FRMD5: variants seen among roughly 807,000 people sequenced by gnomAD.
FRMD5 encodes the protein FERM domain containing 5.
In FRMD5, 20 loss-of-function variants were observed where a neutral mutation model predicts 69.0. The ratio of observed to expected loss-of-function variants is 0.29; its 90% CI spans 0.20 to 0.42. FRMD5 has a LOEUF of 0.42. FRMD5 is among the 10% of genes least tolerant of loss of function. The pLI is 1.00. For missense variants in FRMD5, 595 were observed against 708.6 expected, an observed-to-expected ratio of 0.84 and a Z score of 1.82; for synonymous variants, 271 against 260.1, an observed-to-expected ratio of 1.04 and a Z score of -0.40.
chr15:44,190,685 G>C (rs139267676), intron 1 of FRMD5, among the ~76,000 whole-genome samples: 3 of 152,082 alleles, frequency 2.0e-5, no homozygotes, highest in African/African-American at 7.2e-5. Context: ...ACAGCAAAAC[G>C]GTTTGTAATG....
At chr15:43,951,160 C>T (rs1488386332) in intron 1 of FRMD5, among the ~76,000 whole-genome samples, 1 of 151,948 alleles carries the variant, frequency 6.6e-6, no homozygotes, top group African/African-American at 2.4e-5. Context: ...GTGGCTCACA[C>T]CTATAATCCC....
intron 1 of FRMD5, among the ~76,000 whole-genome samples, chr15:44,174,213 T>G (rs1341245898): frequency 5.3e-5 from 8 of 152,156 alleles, no homozygotes; most frequent in Non-Finnish European, 1.0e-4. Flanking sequence ...AGAACTGCTT[T>G]CACACTCTGG....
At chr15:43,902,370 G>A in intron 6 of FRMD5, 108 bp from the exon 7 acceptor site, 5 of 910,148 alleles carry the variant, frequency 5.5e-6, no homozygotes, top group Non-Finnish European at 9.0e-6. Context: ...ATCTCAGTTT[G>A]TCTAGGGTGT....
At chr15:44,096,090 A>C (rs1307054115) in intron 1 of FRMD5, among the ~76,000 whole-genome samples, 4 of 151,546 alleles carry the variant, frequency 2.6e-5, no homozygotes, top group Non-Finnish European at 5.9e-5. Context: ...CCTGTAATCC[A>C]AGATATTCGG....
intron 1 of FRMD5, among the ~76,000 whole-genome samples, chr15:43,990,750 G>A (rs1199056528): frequency 1.3e-5 from 2 of 152,066 alleles, no homozygotes; most frequent in East Asian, 3.8e-4. Context: ...ATAATAACAG[G>A]TAAGAGACTA....
At chr15:43,994,277 C>T (rs893003460) in intron 1 of FRMD5, among the ~76,000 whole-genome samples, 4 of 152,056 alleles carry the variant, frequency 2.6e-5, no homozygotes, top group Non-Finnish European at 5.9e-5. Context: ...ATGAGGCTTA[C>T]ACAGAACATC....
At chr15:44,010,161 T>C (rs1234730756) in intron 1 of FRMD5, among the ~76,000 whole-genome samples, 1 of 152,262 alleles carries the variant, frequency 6.6e-6, no homozygotes, top group Non-Finnish European at 1.5e-5. Flanking sequence ...TGGCTGCATC[T>C]ATTCTGCTGA....
intron 1 of FRMD5, among the ~76,000 whole-genome samples, chr15:43,973,067 G>A (rs1375138914): frequency 2.0e-5 from 3 of 151,950 alleles, no homozygotes; most frequent in Non-Finnish European, 2.9e-5. Flanking sequence ...CTGTCCTCCA[G>A]GCTGGAGTGC....
chr15:44,128,702 T>A (rs2555384), intron 1 of FRMD5, among the ~76,000 whole-genome samples: 1 of 151,974 alleles, frequency 6.6e-6, no homozygotes, highest in Non-Finnish European at 1.5e-5. Flanking sequence ...ATAATATGAC[T>A]ACTTTCAGGA....
At chr15:44,123,386 C>T (rs2076982786) in intron 1 of FRMD5, among the ~76,000 whole-genome samples, 1 of 150,950 alleles carries the variant, frequency 6.6e-6, no homozygotes, top group Non-Finnish European at 1.5e-5. Context: ...AGAAAAGTGA[C>T]CCTCAAGGAA....
intron 1 of FRMD5, among the ~76,000 whole-genome samples, chr15:44,126,303 T>C (rs1353544778): frequency 6.6e-6 from 1 of 152,252 alleles, no homozygotes; most frequent in Admixed American, 6.5e-5. Flanking sequence ...CATTTCCCTA[T>C]GACAGGTGCT....
At chr15:43,941,268 T>C (rs549529101) in intron 1 of FRMD5, among the ~76,000 whole-genome samples, 10 of 152,306 alleles carry the variant, frequency 6.6e-5, no homozygotes, top group Non-Finnish European at 1.3e-4. Context: ...CCCAGGAGGC[T>C]GAGGTGGGAG....
At chr15:44,079,344 CA>C (rs1240464482) in intron 1 of FRMD5, among the ~76,000 whole-genome samples, 1 of 151,996 alleles carries the variant, frequency 6.6e-6, no homozygotes. Flanking sequence ...ATGGTGCAGC[CA>C]CTGTGGAAAA....
chr15:43,895,558 CAATGAA>C (rs1374480974), intron 7 of FRMD5, among the ~76,000 whole-genome samples: 1 of 152,220 alleles, frequency 6.6e-6, no homozygotes, highest in African/African-American at 2.4e-5. Context: ...GAATAAAACC[CAATGAA>C]AATGAGATGC....
At chr15:44,194,679 C>A (rs2078254780) in intron 1 of FRMD5, 1 of 493,012 alleles carries the variant, frequency 2.0e-6, no homozygotes, top group Non-Finnish European at 3.6e-6. Flanking sequence ...GGAACCAGGA[C>A]GGGGCGCCCT....
intron 1 of FRMD5, chr15:44,064,122 G>T: frequency 4.6e-6 from 1 of 215,970 alleles, no homozygotes; most frequent in South Asian, 6.9e-5. Context: ...GAATTTTCCA[G>T]AACATCATGC....
chr15:43,912,475 T>C (rs1475994017), intron 4 of FRMD5, among the ~76,000 whole-genome samples: 1 of 152,074 alleles, frequency 6.6e-6, no homozygotes, highest in African/African-American at 2.4e-5. Flanking sequence ...TTCAGCAGGA[T>C]GTGGATGCAA....
intron 1 of FRMD5, among the ~76,000 whole-genome samples, chr15:44,111,046 T>G (rs1953979429): frequency 6.6e-6 from 1 of 152,232 alleles, no homozygotes; most frequent in African/African-American, 2.4e-5. Flanking sequence ...TCCATTTAAT[T>G]AAAATGCCTT....
At chr15:43,914,259 T>C (rs1595512721) in intron 4 of FRMD5, among the ~76,000 whole-genome samples, 1 of 151,110 alleles carries the variant, frequency 6.6e-6, no homozygotes, top group African/African-American at 2.4e-5. Flanking sequence ...TCCTGGAGAG[T>C]TTTTTCCAGA....
Sources: allele counts gnomAD v4.1 joint callset (sites outside exome capture counted in the v4.1 genomes callset), GRCh38; gene constraint gnomAD v4.1.1; transcripts MANE v1.5; gene names NCBI Gene and HGNC (gene_info 2026-07-23, HGNC 2026-07-21).